The following LRRC31 variants were observed in gnomAD, a reference collection of about 807,000 sequenced individuals.
LRRC31 encodes the protein leucine rich repeat containing 31.
In LRRC31, 35 loss-of-function variants were observed where a neutral mutation model predicts 46.7. That is an observed-to-expected ratio of 0.75 (90% CI 0.57 to 0.99). LRRC31 has a LOEUF of 0.99. LRRC31 is among the 50% of genes least tolerant of loss of function. The pLI is 0.00. For missense variants in LRRC31, 613 were observed against 626.1 expected (o/e 0.98, Z 0.22); for synonymous variants, 236 against 235.1 (o/e 1.00, Z -0.03).
At chr3:169,855,060 G>A (rs1469053089) in intron 5 of LRRC31, 80 bp from the exon 6 acceptor site, 2 of 1,232,870 alleles carry the variant, frequency 1.6e-6, no homozygotes, top group East Asian at 4.7e-5. Context: ...GGAGACCAAG[G>A]CAGGAGGATT....
chr3:169,861,965 C>A, intron 1 of LRRC31, 152 bp from the exon 2 acceptor site: 1 of 779,844 alleles, frequency 1.3e-6, no homozygotes, highest in South Asian at 1.9e-5. Context: ...TTACTAGGGA[C>A]AAAGCTTAAC....
At chr3:169,864,179 C>T (rs1781257937) in intron 1 of LRRC31, among the ~76,000 whole-genome samples, 1 of 152,210 alleles carries the variant, frequency 6.6e-6, no homozygotes, top group South Asian at 2.1e-4. Context: ...ACTGCTCTGT[C>T]AAGCATTTCC....
At position 169,860,555 on chromosome 3, in the gene LRRC31, T is replaced by TCACACC; in HGVS notation, c.487+5_487+6insGGTGTG. 1 of 1,613,978 alleles carries TCACACC rather than the reference T, an allele frequency of 6.2e-7. No homozygotes were observed. The highest frequency in any genetic ancestry group is 8.5e-7 in the Non-Finnish European group (1 of 1,179,900). On this transcript the variant is annotated splice_donor_region_variant and intron_variant, in intron 3 of 8. Transcript: ENST00000316428. ...ATCCATCTTTTAAGAAATGCATTCA[T>TCACACC]CATACCCAGTGCTTGAACATCGTCA... is the stretch of plus-strand genomic sequence containing the variant.
At chr3:169,844,090 A>C (rs939825304) in intron 8 of LRRC31, among the ~76,000 whole-genome samples, 3 of 152,214 alleles carry the variant, frequency 2.0e-5, no homozygotes, top group African/African-American at 7.2e-5. Flanking sequence ...AGGAAGGAAC[A>C]CTTTCCAACT....
chr3:169,865,564 A>G (rs574393754), intron 1 of LRRC31, among the ~76,000 whole-genome samples: 4 of 152,342 alleles, frequency 2.6e-5, no homozygotes, highest in Non-Finnish European at 5.9e-5. Flanking sequence ...CATTGGTAAC[A>G]TGGGTGGTAC....
chr3:169,856,595 C>T (rs1780951023), intron 4 of LRRC31, 92 bp from the exon 5 acceptor site: 2 of 1,349,908 alleles, frequency 1.5e-6, no homozygotes. Context: ...AACTCCACTC[C>T]CCTCCTACAT....
intron 7 of LRRC31, among the ~76,000 whole-genome samples, chr3:169,848,896 AGT>A (rs1333334202): frequency 6.6e-6 from 1 of 152,226 alleles, no homozygotes; most frequent in African/African-American, 2.4e-5. Flanking sequence ...TTGGACAGCT[AGT>A]CAAGATTTCC....
chr3:169,846,889 G>A (rs1017241582), intron 8 of LRRC31, among the ~76,000 whole-genome samples: 14 of 152,128 alleles, frequency 9.2e-5, no homozygotes, highest in African/African-American at 3.4e-4. Flanking sequence ...TTTGAGTGCG[G>A]TGCTTCCAAC....
intron 1 of LRRC31, among the ~76,000 whole-genome samples, chr3:169,869,418 T>G (rs1274600736): frequency 6.6e-6 from 1 of 151,984 alleles, no homozygotes; most frequent in East Asian, 1.9e-4. Context: ...ATGGGATTGT[T>G]TGTAACACAA....
At chr3:169,853,322 T>C (rs1576790084) in intron 6 of LRRC31, 18 of 985,282 alleles carry the variant, frequency 1.8e-5, no homozygotes, top group Non-Finnish European at 2.2e-5. Context: ...CAAAGCAGGA[T>C]GTATTTTCAT....
chr3:169,861,920 CT>C (rs1243383447), intron 1 of LRRC31, 107 bp from the exon 2 acceptor site: 1 of 1,223,624 alleles, frequency 8.2e-7, no homozygotes, highest in Admixed American at 2.3e-5. Context: ...CTGAATTGCT[CT>C]TTTATAAAAA....
intron 6 of LRRC31, among the ~76,000 whole-genome samples, chr3:169,854,030 G>A (rs990150483): frequency 1.4e-4 from 22 of 152,250 alleles, no homozygotes; most frequent in Non-Finnish European, 8.8e-5. Flanking sequence ...CATGCCTGGC[G>A]TGTCTGAGAA....
chr3:169,856,537 G>A (rs988286052), intron 4 of LRRC31, 34 bp from the exon 5 acceptor site: 1 of 1,556,292 alleles, frequency 6.4e-7, no homozygotes, highest in Non-Finnish European at 8.7e-7. Context: ...AGAAGGGTAG[G>A]TAGGAGGGGA....
At chr3:169,852,084 G>A (rs1203000390) in intron 6 of LRRC31, among the ~76,000 whole-genome samples, 1 of 152,066 alleles carries the variant, frequency 6.6e-6, no homozygotes, top group South Asian at 2.1e-4. Flanking sequence ...CTGAACCTTA[G>A]CCTTCTCAAC....
At position 169,856,795 on chromosome 3, in the gene LRRC31, G is replaced by C; in HGVS notation, c.565C>G (p.Leu189Val). 1.2e-6 allele frequency: 2 copies of C among 1,608,550 alleles called. No homozygotes were observed. Among genetic ancestry groups the C allele is most frequent in the Non-Finnish European group, 1.7e-6 (2 of 1,177,548 alleles). Reference protein sequence around the residue: ...WNSKVGGNLPLILQKFQKGSK... With the variant: ...WNSKVGGNLPVILQKFQKGSK... ...CCTTTTTGGAACTTCTGAAGGATCA[G>C]AGGCAAATTTCCTCCCACTTTACTG... Residue 189 changes from leucine (L) to valine (V), a missense_variant, in exon 4 of 9, where the codon CTG (leucine) becomes GTG (valine). Coordinates refer to ENST00000316428, the MANE Select transcript of LRRC31 (RefSeq NM_024727.4).
intron 1 of LRRC31, among the ~76,000 whole-genome samples, chr3:169,868,757 TGTAA>T (rs900466506): frequency 6.6e-6 from 1 of 152,212 alleles, no homozygotes; most frequent in Non-Finnish European, 1.5e-5. Context: ...ATTTAAAGCA[TGTAA>T]GTAACATAAT....
At chr3:169,863,722 G>C (rs2108227830) in intron 1 of LRRC31, among the ~76,000 whole-genome samples, 1 of 152,208 alleles carries the variant, frequency 6.6e-6, no homozygotes, top group East Asian at 1.9e-4. Flanking sequence ...ACAACAACAG[G>C]GTGCCCAGTT....
intron 2 of LRRC31, 118 bp from the exon 3 acceptor site, chr3:169,860,846 G>C: frequency 1.9e-6 from 2 of 1,030,104 alleles, no homozygotes; most frequent in Non-Finnish European, 2.8e-6. Flanking sequence ...ATAGACAGTG[G>C]TAGGCACGCT....
At chr3:169,862,110 T>C (rs1328358525) in intron 1 of LRRC31, among the ~76,000 whole-genome samples, 1 of 152,186 alleles carries the variant, frequency 6.6e-6, no homozygotes, top group African/African-American at 2.4e-5. Context: ...GAAGTAAACC[T>C]GTCAGCCCGG....
Sources: allele counts gnomAD v4.1 joint callset (sites outside exome capture counted in the v4.1 genomes callset), GRCh38; gene constraint gnomAD v4.1.1; transcripts MANE v1.5; gene names NCBI Gene and HGNC (gene_info 2026-07-23, HGNC 2026-07-21).